The following ZNF536 variants were observed in gnomAD, a reference collection of about 807,000 sequenced individuals.
The protein encoded by ZNF536 is zinc finger protein 536.
ZNF536 carries 13 observed loss-of-function variants against 84.5 expected under a neutral mutation model. That is an observed-to-expected ratio of 0.15 (90% CI 0.10 to 0.24). The LOEUF (loss-of-function observed/expected upper bound fraction) is 0.24, where lower values mean the gene tolerates loss of function less well. Among genes scored for constraint, ZNF536 ranks in the 10% least tolerant of loss-of-function variants. The pLI, the probability that ZNF536 is intolerant of heterozygous loss-of-function variation, is 1.00. For missense variants in ZNF536, 1,536 were observed against 1,747.5 expected (o/e 0.88, Z 2.16); for synonymous variants, 811 against 742.5 (o/e 1.09, Z -1.50).
At chr19:30,436,573 T>C (rs753722047) in intron 1 of ZNF536, 59 of 923,810 alleles carry the variant, frequency 6.4e-5, no homozygotes, top group Non-Finnish European at 7.6e-5. Flanking sequence ...AGCTGTTTAA[T>C]GACCCTGAAA....
At chr19:30,465,722 G>C (rs10417462) in intron 2 of ZNF536, among the ~76,000 whole-genome samples, 64,375 of 151,588 alleles carry the variant, frequency 0.42, 16,951 homozygotes, top group African/African-American at 0.74. Context: ...AAAATATCAT[G>C]TCTATAAAAA....
intron 1 of ZNF536, among the ~76,000 whole-genome samples, chr19:30,412,065 A>G (rs558107245): frequency 2.1e-4 from 32 of 151,982 alleles, no homozygotes; most frequent in African/African-American, 7.7e-4. Context: ...CAGGAAAGTG[A>G]TCATTTTCAG....
At position 30,534,785 on chromosome 19, in the gene ZNF536, T is replaced by C. The variant is rs1391256081; in HGVS notation, c.2171-62T>C. The C allele has an allele frequency of 2.7e-6, 4 of 1,508,818 alleles. No homozygotes were observed. In the East Asian group the frequency reaches 9.5e-5, roughly 36 times the overall value. The allele number at this position is 1,508,818 out of a possible 1,614,324, so 93.5% of individuals were successfully genotyped here. A position where few individuals can be genotyped will look rare whatever the true frequency, so the allele number is the denominator to read the frequency against. On this transcript the variant is annotated intron_variant, in intron 2 of 4. Transcript: ENST00000355537. ...TTAACTTTGTGTGGTGTTAGCAGTT[T>C]TGGTGCGAACAACTCCTGACATGTG...
intron 2 of ZNF536, among the ~76,000 whole-genome samples, chr19:30,462,874 T>C (rs1192491959): frequency 2.8e-5 from 4 of 144,038 alleles, no homozygotes; most frequent in Non-Finnish European, 6.1e-5. Flanking sequence ...TTGGGATGGG[T>C]GTATCCATAT....
intron 2 of ZNF536, among the ~76,000 whole-genome samples, chr19:30,497,194 G>A (rs949400637): frequency 6.6e-6 from 1 of 152,176 alleles, no homozygotes; most frequent in African/African-American, 2.4e-5. Context: ...AGGGCCCCGT[G>A]AGCGGCTTGA....
intron 1 of ZNF536, among the ~76,000 whole-genome samples, chr19:30,708,369 G>A (rs566674752): frequency 6.6e-6 from 1 of 152,320 alleles, no homozygotes; most frequent in East Asian, 1.9e-4. Flanking sequence ...GGTTTGGTGT[G>A]GGCAAAAGGG....
chr19:30,423,155 A>C, intron 1 of ZNF536, among the ~76,000 whole-genome samples: 1 of 143,192 alleles, frequency 7.0e-6, no homozygotes, highest in Admixed American at 7.4e-5. Flanking sequence ...CCATCCAACC[A>C]TCCATCCATC....
intron 1 of ZNF536, among the ~76,000 whole-genome samples, chr19:30,707,864 G>T (rs544645686): frequency 4.2e-4 from 64 of 151,972 alleles, no homozygotes; most frequent in Non-Finnish European, 9.0e-4. Flanking sequence ...ACAAAAATTA[G>T]CTGGGCATGG....
intron 2 of ZNF536, among the ~76,000 whole-genome samples, chr19:30,521,631 G>T (rs936704700): frequency 1.1e-4 from 17 of 152,122 alleles, no homozygotes; most frequent in African/African-American, 4.1e-4. Flanking sequence ...GGTGAATATT[G>T]GCTGGACACC....
intron 1 of ZNF536, among the ~76,000 whole-genome samples, chr19:30,630,996 C>G (rs2048867307): frequency 6.6e-6 from 1 of 152,230 alleles, no homozygotes; most frequent in Middle Eastern, 3.4e-3. Context: ...TAGATCAAGC[C>G]CCTCCCTCGA....
At chr19:30,254,187 C>G (rs774870117) in intron 1 of ZNF536, among the ~76,000 whole-genome samples, 1 of 152,124 alleles carries the variant, frequency 6.6e-6, no homozygotes, top group Admixed American at 6.5e-5. Context: ...ATATATGCTC[C>G]ATGTCAGAAT....
chr19:30,598,806 T>A (rs1344010666), intron 1 of ZNF536, among the ~76,000 whole-genome samples: 1 of 152,214 alleles, frequency 6.6e-6, no homozygotes, highest in Admixed American at 6.5e-5. Context: ...TTTGTTTCCT[T>A]AGTTTACTAG....
Position 30,262,883 on chromosome 19 carries a change from T to G in ZNF536, c.-189-21189T>G, listed in dbSNP as rs187984803. 3.1e-4 allele frequency among the ~76,000 whole-genome samples: 47 copies of G among 152,304 alleles called. No individual in the cohort carries two copies. In the East Asian group the frequency reaches 8.7e-3, roughly 28 times the overall value. ...CCTCCAAGGAGGATGAGATATAATT[T>G]CTGCCCTCGTGGAATTTGCAACATG... is the stretch of plus-strand genomic sequence containing the variant. On this transcript the variant is annotated intron_variant, in intron 1 of 5. Coordinates refer to the ZNF536 transcript ENST00000585628.
At chr19:30,693,466 A>G (rs1197514748) in intron 1 of ZNF536, among the ~76,000 whole-genome samples, 1 of 152,188 alleles carries the variant, frequency 6.6e-6, no homozygotes, top group Non-Finnish European at 1.5e-5. Context: ...TTCCTCAGCC[A>G]TATTCTGGAT....
intron 1 of ZNF536, among the ~76,000 whole-genome samples, chr19:30,230,042 G>A (rs2022917259): frequency 6.6e-6 from 1 of 152,294 alleles, no homozygotes; most frequent in East Asian, 1.9e-4. Context: ...ATTTGCATGT[G>A]ACCAATGGCA....
At chr19:30,619,650 C>T (rs1285989071) in intron 1 of ZNF536, among the ~76,000 whole-genome samples, 1 of 152,232 alleles carries the variant, frequency 6.6e-6, no homozygotes, top group East Asian at 1.9e-4. Flanking sequence ...CCCAGTATTC[C>T]ACATTCCATT....
intron 1 of ZNF536, among the ~76,000 whole-genome samples, chr19:30,257,388 A>T (rs1352375128): frequency 6.6e-6 from 1 of 152,256 alleles, no homozygotes; most frequent in Non-Finnish European, 1.5e-5. Flanking sequence ...GTTTAATGTT[A>T]AAAGACAGTA....
intron 1 of ZNF536, among the ~76,000 whole-genome samples, chr19:30,625,658 A>G (rs1323434149): frequency 6.6e-6 from 1 of 152,212 alleles, no homozygotes; most frequent in African/African-American, 2.4e-5. Context: ...AAAATTATCT[A>G]ATCTCCAGGA....
intron 2 of ZNF536, among the ~76,000 whole-genome samples, chr19:30,342,460 T>A (rs1194939382): frequency 6.6e-6 from 1 of 152,236 alleles, no homozygotes. Context: ...GTGCTGAGGT[T>A]CTGCTGAATT....
Sources: allele counts gnomAD v4.1 joint callset (sites outside exome capture counted in the v4.1 genomes callset), GRCh38; gene constraint gnomAD v4.1.1; transcripts MANE v1.5; gene names NCBI Gene and HGNC (gene_info 2026-07-23, HGNC 2026-07-21).